Variants in RARA observed in about 807,000 individuals in gnomAD.
RARA encodes the protein PML-DDX5-RARA fusion.
In RARA, 5 loss-of-function variants were observed where a neutral mutation model predicts 42.8. That is an observed-to-expected ratio of 0.12 (90% confidence interval 0.06 to 0.25). RARA has a LOEUF of 0.25. RARA is among the 10% of genes least tolerant of loss of function. The probability of loss-of-function intolerance (pLI) is 1.00; values close to 1 mark genes in which losing one functional copy is unlikely to be tolerated. For missense variants in RARA, 402 were observed against 628.7 expected (o/e 0.64, Z 3.86); for synonymous variants, 256 against 259.5 (o/e 0.99, Z 0.13).
At chr17:40,346,557 C>G (rs1015213633) in intron 2 of RARA, among the ~76,000 whole-genome samples, 4 of 151,214 alleles carry the variant, frequency 2.6e-5, no homozygotes, top group African/African-American at 9.7e-5. Context: ...ACTGCTTTTA[C>G]GTCTTGGAAA....
At chr17:40,319,525 C>T (rs989558027) in intron 1 of RARA, among the ~76,000 whole-genome samples, 60 of 148,004 alleles carry the variant, frequency 4.1e-4, no homozygotes, top group East Asian at 1.8e-3. Flanking sequence ...GAACACCCCC[C>T]GACCCCCCCA....
intron 2 of RARA, chr17:40,341,368 G>A (rs1386256606): frequency 2.0e-5 from 29 of 1,451,180 alleles, no homozygotes; most frequent in Non-Finnish European, 2.7e-5. Flanking sequence ...GCCGCGTCGG[G>A]TTCCGGCGGC....
At chr17:40,342,293 G>C in intron 2 of RARA, 1 of 1,063,780 alleles carries the variant, frequency 9.4e-7, no homozygotes. Context: ...CGGATCCCCG[G>C]CTGGGAGGAG....
In RARA at chr17:40,354,409, C is replaced by T. The variant is rs2034545779; in HGVS notation, c.915C>T (p.Leu305=). ...TQMHNAGFGP[L]TDLVFAFANQ... ...TGCACAACGCTGGCTTCGGCCCCCT[C>T]ACCGACCTGGTCTTTGCCTTCGCCA... Residue 305 remains leucine, a synonymous_variant, in exon 7 of 9, where the codon CTC becomes CTT. Coordinates refer to ENST00000254066, the MANE Select transcript of RARA (RefSeq NM_000964.4). The surrounding 1 kb of genome is among the most constrained non-coding windows in gnomAD (Gnocchi z 4.5). 6.2e-7 allele frequency: 1 copy of T among 1,614,102 alleles called. No individual in the cohort carries two copies. Among genetic ancestry groups the T allele is most frequent in the African/African-American group, 1.3e-5 (1 of 74,946 alleles).
At chr17:40,344,103 C>T (rs1000188787) in intron 2 of RARA, among the ~76,000 whole-genome samples, 12 of 151,384 alleles carry the variant, frequency 7.9e-5, no homozygotes, top group Non-Finnish European at 1.6e-4. Flanking sequence ...GAGTGGGTCT[C>T]GGGGGGGCCC....
At chr17:40,348,114 G>A (rs748263879) in intron 2 of RARA, 176 of 505,808 alleles carry the variant, frequency 3.5e-4, no homozygotes, top group Non-Finnish European at 5.3e-4. Flanking sequence ...GAGTCCAGAG[G>A]AGTGATGGGG....
rs1288971142 is a variant in RARA, at chr17:40,320,713, G to C, written c.-362-10144G>C. Among the ~76,000 whole-genome samples, 1 of 152,202 alleles carries C rather than the reference G, an allele frequency of 6.6e-6. No individual in the cohort carries two copies. Among genetic ancestry groups the C allele is most frequent in the African/African-American group, 2.4e-5 (1 of 41,454 alleles). On this transcript the variant is annotated intron_variant, in intron 1 of 8. Coordinates refer to ENST00000254066, the MANE Select transcript of RARA (RefSeq NM_000964.4). This position sits in a 1 kb window ranked among gnomAD's most constrained non-coding sequence, Gnocchi z 4.1. The stretch of plus-strand genomic sequence containing the variant: ...TCCTCTTGGAAGCATGGGCAGGACA[G>C]GACTTAGGCTAGGCTGGAGGGGTGG...
chr17:40,332,399 C>G (rs2033722003), intron 2 of RARA, among the ~76,000 whole-genome samples: 1 of 152,194 alleles, frequency 6.6e-6, no homozygotes, highest in Admixed American at 6.5e-5. Flanking sequence ...ACACCTTGCC[C>G]TGTGCACCCA....
At chr17:40,342,166 G>A in intron 2 of RARA, 2 of 1,048,046 alleles carry the variant, frequency 1.9e-6, no homozygotes, top group African/African-American at 3.3e-5. Context: ...GGGCCGTGGC[G>A]CGTACCACCA....
intron 1 of RARA, among the ~76,000 whole-genome samples, chr17:40,319,772 C>G (rs554586079): frequency 1.4e-5 from 2 of 145,268 alleles, no homozygotes; most frequent in South Asian, 4.7e-4. Context: ...GGGGAAGCCC[C>G]GGGTTGGAGT....
chr17:40,321,267 G>A (rs2033368973), intron 1 of RARA, among the ~76,000 whole-genome samples: 1 of 151,978 alleles, frequency 6.6e-6, no homozygotes, highest in African/African-American at 2.4e-5. Flanking sequence ...GTCTGGCTCG[G>A]GTGTGGGTGT....
chr17:40,342,913 G>A lies in RARA; in HGVS notation c.179-5403G>A, dbSNP rs778544259. On this transcript the variant is annotated intron_variant, in intron 2 of 8. Coordinates refer to ENST00000254066, the MANE Select transcript of RARA (RefSeq NM_000964.4). ...CTGCTGTTGTAGGGGGTGGGAGTGG[G>A]CGGTAGGGCTTCCACTACTACTCGG... 1.1e-5 allele frequency: 18 copies of A among 1,574,158 alleles called. No individual in the cohort carries two copies. In the South Asian group the frequency reaches 2.0e-4, roughly 18 times the overall value.
rs1434190511 is a variant in RARA, at chr17:40,345,001, A to C, written c.179-3315A>C. On this transcript the variant is annotated intron_variant, in intron 2 of 8. Coordinates refer to ENST00000254066, the MANE Select transcript of RARA (RefSeq NM_000964.4). This position sits in a 1 kb window ranked among gnomAD's most constrained non-coding sequence, Gnocchi z 4.8. ...CTTTACTGCCACTGAAGGTGGGAAG[A>C]GCAGGTTGGCTCTGGGAGGAGGTGG... 2.6e-5 allele frequency among the ~76,000 whole-genome samples: 4 copies of C among 152,270 alleles called. No individual in the cohort carries two copies. Among genetic ancestry groups the C allele is most frequent in the African/African-American group, 9.6e-5 (4 of 41,544 alleles).
At position 40,345,722 on chromosome 17, in the gene RARA, T is replaced by A. The variant is rs139489692; in HGVS notation, c.179-2594T>A. On this transcript the variant is annotated intron_variant, in intron 2 of 8. Coordinates refer to ENST00000254066, the MANE Select transcript of RARA (RefSeq NM_000964.4). The surrounding 1 kb of genome is among the most constrained non-coding windows in gnomAD (Gnocchi z 4.8). ...TGGGCTGGGCCTCTGGGGAGGGAGG[T>A]TAGCAGGGATGGGCCAGGCCCGGGC... Among the ~76,000 whole-genome samples, 1,111 of 152,044 alleles carry A rather than the reference T, an allele frequency of 7.3e-3. 9 individuals are homozygous for A. Among genetic ancestry groups the A allele is most frequent in the African/African-American group, 0.026 (1,072 of 41,458 alleles).
Position 40,354,612 on chromosome 17 carries a change from G to A in RARA, c.1012+106G>A. ...CCACCTCTGTTAGGTATCTCTAGAGGGCAGGGTCTGGTCTGCAACTACACA... is the reference window on the plus strand; with the variant it reads ...CCACCTCTGTTAGGTATCTCTAGAGAGCAGGGTCTGGTCTGCAACTACACA... On this transcript the variant is annotated intron_variant, in intron 7 of 8. Coordinates refer to ENST00000254066, the MANE Select transcript of RARA (RefSeq NM_000964.4). This position sits in a 1 kb window ranked among gnomAD's most constrained non-coding sequence, Gnocchi z 4.5. 2 of 1,342,638 alleles carry A rather than the reference G, an allele frequency of 1.5e-6. No homozygotes were observed. The highest frequency in any genetic ancestry group is 2.0e-6 in the Non-Finnish European group (2 of 987,754). The allele number at this position is 1,342,638 out of a possible 1,614,324, so 83.2% of individuals were successfully genotyped here.
Position 40,349,605 on chromosome 17 carries a change from G to T in RARA, c.328-179G>T. On this transcript the variant is annotated intron_variant, in intron 3 of 8. Coordinates refer to ENST00000254066, the MANE Select transcript of RARA (RefSeq NM_000964.4). ...TTGAGGCAGGTACTGGGATTCTCCT[G>T]AGGAGGATCCTTTTAGGTGAATCAT... is the stretch of plus-strand genomic sequence containing the variant. 4.2e-6 allele frequency: 3 copies of T among 709,738 alleles called. No individual in the cohort carries two copies. In the South Asian group the frequency reaches 5.6e-5, roughly 13 times the overall value. 44.0% of individuals were successfully genotyped at this position (709,738 alleles called of 1,614,324 possible). A position where few individuals can be genotyped will look rare whatever the true frequency, so the allele number is the denominator to read the frequency against.
At position 40,354,753 on chromosome 17, in the gene RARA, G is replaced by A. The variant is rs949517337; in HGVS notation, c.1012+247G>A. ...GACCAACCAGGGTCACCTCCTGGCC[G>A]ATGCATGACCCTGAGCAGGTTGCTG... On this transcript the variant is annotated intron_variant, in intron 7 of 8. Transcript: ENST00000254066. The surrounding 1 kb of genome is among the most constrained non-coding windows in gnomAD (Gnocchi z 4.5). 6.6e-5 allele frequency among the ~76,000 whole-genome samples: 10 copies of A among 152,174 alleles called. No individual in the cohort carries two copies. Among genetic ancestry groups the A allele is most frequent in the African/African-American group, 9.7e-5 (4 of 41,428 alleles).
chr17:40,325,367 G>A (rs970415142), intron 1 of RARA, among the ~76,000 whole-genome samples: 2 of 152,154 alleles, frequency 1.3e-5, no homozygotes, highest in African/African-American at 2.4e-5. Context: ...CAGAGGACCC[G>A]AGTGGCCGGA....
At position 40,326,090 on chromosome 17, in the gene RARA, C is replaced by T. The variant is rs572180886; in HGVS notation, c.-362-4767C>T. Among the ~76,000 whole-genome samples the T allele has an allele frequency of 1.3e-5, 2 of 152,214 alleles. No homozygotes were observed. The highest frequency in any genetic ancestry group is 1.3e-4 in the Admixed American group (2 of 15,288). The stretch of plus-strand genomic sequence containing the variant: ...TTTCCCCACATCCCTCTCCTCCATC[C>T]GAGGGAAGCAGACCCTGGGAAATGG... On this transcript the variant is annotated intron_variant, in intron 1 of 8. Transcript: ENST00000254066. The surrounding 1 kb of genome is among the most constrained non-coding windows in gnomAD (Gnocchi z 5.2).
Sources: gnomAD v4.1 joint callset for allele counts (sites outside exome capture counted in the v4.1 genomes callset) on GRCh38, gnomAD v4.1.1 for gene constraint, Gnocchi (gnomAD v3.1) non-coding constraint, MANE v1.5 for transcripts, NCBI Gene and HGNC (gene_info 2026-07-23, HGNC 2026-07-21) for gene names.